CDYL2: variants seen among roughly 807,000 people sequenced by gnomAD.
CDYL2 encodes the protein chromodomain Y-like protein 2.
CDYL2 carries 23 observed loss-of-function variants against 49.4 expected under a neutral mutation model. The observed-to-expected ratio is 0.47, with a 90% confidence interval of 0.34 to 0.66. The LOEUF (loss-of-function observed/expected upper bound fraction) is 0.66. Among genes scored for constraint, CDYL2 ranks in the 30% least tolerant of loss-of-function variants. The probability of loss-of-function intolerance (pLI) is 0.01; values close to 1 mark genes in which losing one functional copy is unlikely to be tolerated. For synonymous variants in CDYL2, 360 were observed against 268.8 expected (o/e 1.34, Z -3.32); for missense variants, 678 against 656.4 (o/e 1.03, Z -0.36).
Position 80,665,045 on chromosome 16 carries a change from C to A in CDYL2, c.616+19493G>T, listed in dbSNP as rs1008254741. Among the ~76,000 whole-genome samples, 4 of 152,114 alleles carry A rather than the reference C, an allele frequency of 2.6e-5. No individual in the cohort carries two copies. In the South Asian group the frequency reaches 8.3e-4, roughly 32 times the overall value. ...ACCCCCAGAACGAGGCATGCTGAGACCTGCTTCTAGGTATACAATACTAGC... is the reference window on the plus strand; with the variant it reads ...ACCCCCAGAACGAGGCATGCTGAGAACTGCTTCTAGGTATACAATACTAGC... On this transcript the variant is annotated intron_variant, in intron 2 of 6. Transcript: ENST00000570137.
intron 1 of CDYL2, among the ~76,000 whole-genome samples, chr16:80,792,490 T>C (rs1030952495): frequency 6.6e-6 from 1 of 152,034 alleles, no homozygotes; most frequent in Admixed American, 6.5e-5. Flanking sequence ...ATAAGCATGC[T>C]CCTAACACAT....
chr16:80,761,981 G>A (rs1290429643), intron 1 of CDYL2, among the ~76,000 whole-genome samples: 5 of 151,258 alleles, frequency 3.3e-5, no homozygotes, highest in Admixed American at 2.0e-4. Flanking sequence ...AGGCCAGGAG[G>A]TCAAGACTAG....
chr16:80,780,318 C>A (rs1323020622), intron 1 of CDYL2, among the ~76,000 whole-genome samples: 2 of 151,890 alleles, frequency 1.3e-5, no homozygotes, highest in East Asian at 3.9e-4. Context: ...ATAAGCAAGC[C>A]CTTCACACCA....
intron 1 of CDYL2, among the ~76,000 whole-genome samples, chr16:80,726,716 A>G (rs1905174055): frequency 6.6e-6 from 1 of 152,230 alleles, no homozygotes; most frequent in African/African-American, 2.4e-5. Flanking sequence ...CATGGAATAT[A>G]CAAAATGAGC....
At chr16:80,664,659 C>G (rs1187040746) in intron 2 of CDYL2, among the ~76,000 whole-genome samples, 6 of 152,312 alleles carry the variant, frequency 3.9e-5, no homozygotes, top group Non-Finnish European at 5.9e-5. Context: ...CAATGTAGCT[C>G]TCTTCTGGCC....
At position 80,713,032 on chromosome 16, in the gene CDYL2, A is replaced by G. The variant is rs1206138693; in HGVS notation, c.25-27903T>C. On this transcript the variant is annotated intron_variant, in intron 1 of 6. Transcript: ENST00000570137. ...GGTTGTGGCTTCGCTCATTGTTTTC[A>G]GCTGCAGACAAGAGGTGTTCCAAGG... Among the ~76,000 whole-genome samples, 5 of 152,306 alleles carry G rather than the reference A, an allele frequency of 3.3e-5. No individual in the cohort carries two copies. The East Asian group carries it at 9.6e-4, about 29-fold the overall frequency.
intron 4 of CDYL2, among the ~76,000 whole-genome samples, 185 bp from the exon 5 acceptor site, chr16:80,613,021 G>A (rs182119994): frequency 6.6e-6 from 1 of 152,194 alleles, no homozygotes; most frequent in African/African-American, 2.4e-5. Flanking sequence ...GTATACTGAT[G>A]GGGTCACTGC....
intron 1 of CDYL2, among the ~76,000 whole-genome samples, chr16:80,761,693 G>C (rs1906536463): frequency 6.7e-6 from 1 of 149,618 alleles, no homozygotes; most frequent in Admixed American, 6.6e-5. Flanking sequence ...CCTAACTTTA[G>C]AAAACTAAAA....
chr16:80,727,387 G>A (rs575524381), intron 1 of CDYL2, among the ~76,000 whole-genome samples: 4 of 152,346 alleles, frequency 2.6e-5, no homozygotes, highest in South Asian at 2.1e-4. Context: ...GCGCTTTTCC[G>A]AGGGGCTTAA....
intron 4 of CDYL2, among the ~76,000 whole-genome samples, chr16:80,615,933 A>G (rs8056731): frequency 0.3 from 46,156 of 152,042 alleles, 8,970 homozygotes; most frequent in African/African-American, 0.56. Flanking sequence ...ATATTGCATT[A>G]CGGGCCCTGC....
At position 80,738,274 on chromosome 16, in the gene CDYL2, C is replaced by T. The variant is rs2142548277; in HGVS notation, c.25-53145G>A. Among the ~76,000 whole-genome samples, 3 of 152,252 alleles carry T rather than the reference C, an allele frequency of 2.0e-5. No homozygotes were observed. The South Asian group carries it at 6.2e-4, about 32-fold the overall frequency. On this transcript the variant is annotated intron_variant, in intron 1 of 6. Transcript: ENST00000570137. ...CTTTATCCAGTCTATCACTGGTGGG[C>T]ATTCGGGTTGGTTACAAGTCTTTAC... is the stretch of plus-strand genomic sequence containing the variant.
chr16:80,695,766 T>C (rs1910592349), intron 1 of CDYL2, among the ~76,000 whole-genome samples: 1 of 152,164 alleles, frequency 6.6e-6, no homozygotes, highest in South Asian at 2.1e-4. Flanking sequence ...CAAATATTAT[T>C]AGATCTAAAA....
At chr16:80,698,074 T>C (rs1424385980) in intron 1 of CDYL2, among the ~76,000 whole-genome samples, 1 of 151,656 alleles carries the variant, frequency 6.6e-6, no homozygotes, top group Non-Finnish European at 1.5e-5. Context: ...GCACAAAAGA[T>C]CCCAAATAGT....
rs1906105332 is a variant in CDYL2, at chr16:80,601,944, A to C, written c.*2444T>G. ...AAGCTGAAGCATTTCTAGTTCTTTC[A>C]AGCAGGGAATGAAGGTGGACACTGA... On this transcript the variant is annotated 3_prime_UTR_variant, in exon 7 of 7. Coordinates refer to ENST00000570137, the MANE Select transcript of CDYL2 (RefSeq NM_152342.4). 6.6e-6 allele frequency: 1 copy of C among 152,318 alleles called. No homozygotes were observed. The highest frequency in any genetic ancestry group is 1.5e-5 in the Non-Finnish European group (1 of 68,040). 9.4% of individuals were successfully genotyped at this position (152,318 alleles called of 1,614,324 possible). A position where few individuals can be genotyped will look rare whatever the true frequency, so the allele number is the denominator to read the frequency against.
intron 1 of CDYL2, among the ~76,000 whole-genome samples, chr16:80,763,950 G>T (rs781109007): frequency 6.6e-6 from 1 of 152,060 alleles, no homozygotes; most frequent in Non-Finnish European, 1.5e-5. Flanking sequence ...TAGGGAAGGG[G>T]GTAGAGAGGG....
At chr16:80,682,151 A>C (rs16953810) in intron 2 of CDYL2, among the ~76,000 whole-genome samples, 3,803 of 152,294 alleles carry the variant, frequency 0.025, 61 homozygotes, top group African/African-American at 0.048. Context: ...TCTGAGAACC[A>C]GTGCCTTAAC....
At chr16:80,608,385 T>G in intron 5 of CDYL2, 150 bp from the exon 6 acceptor site, 1 of 863,618 alleles carries the variant, frequency 1.2e-6, no homozygotes. Context: ...AGATAAGCTT[T>G]GGGAATTGTA....
At chr16:80,639,055 C>T (rs573864118) in intron 2 of CDYL2, among the ~76,000 whole-genome samples, 1 of 152,194 alleles carries the variant, frequency 6.6e-6, no homozygotes, top group African/African-American at 2.4e-5. Flanking sequence ...TGAAGAGACA[C>T]CTCAACAAAG....
At chr16:80,703,222 C>A (rs529508922) in intron 1 of CDYL2, among the ~76,000 whole-genome samples, 2 of 152,282 alleles carry the variant, frequency 1.3e-5, no homozygotes, top group East Asian at 3.9e-4. Flanking sequence ...CTTCTTTATA[C>A]TCTTTTGTAT....
Sources: gnomAD v4.1 joint callset for allele counts (sites outside exome capture counted in the v4.1 genomes callset) on GRCh38, gnomAD v4.1.1 for gene constraint, MANE v1.5 for transcripts, NCBI Gene and HGNC (gene_info 2026-07-23, HGNC 2026-07-21) for gene names.